The following AFAP1 variants were observed in gnomAD, a reference collection of about 807,000 sequenced individuals.
AFAP1 encodes actin filament-associated protein 1.
A neutral mutation model predicts 93.9 loss-of-function variants in AFAP1; 75 were observed. That is an observed-to-expected ratio of 0.80 (90% confidence interval 0.66 to 0.97). The LOEUF is 0.97. AFAP1 is among the 50% of genes least tolerant of loss of function. AFAP1 has a pLI of 0.00. For synonymous variants in AFAP1, 517 were observed against 430.7 expected (o/e 1.20, Z -2.48); for missense variants, 1,201 against 1,050.8 (o/e 1.14, Z -1.98).
At chr4:7,831,920 A>T (rs573009858) in intron 6 of AFAP1, among the ~76,000 whole-genome samples, 1 of 152,298 alleles carries the variant, frequency 6.6e-6, no homozygotes, top group African/African-American at 2.4e-5. Flanking sequence ...ATGTGGAATA[A>T]AAGAGGGAAC....
Position 7,786,293 on chromosome 4 carries a change from A to G in AFAP1, c.1431T>C (p.Val477=), listed in dbSNP as rs1465704489. ...CCCCTAGATATGGGTTAGCAGATAT[A>G]ACACGCCTGTTCATGAAACTGAAAG... ...KQTFCFMNRR[V]ISANPYLGGT... The change falls in exon 12 of 18, where the codon GTT becomes GTC. Residue 477 remains valine (V), a synonymous_variant. Transcript: ENST00000420658. 1.9e-6 allele frequency: 3 copies of G among 1,614,108 alleles called. No homozygotes were observed. The highest frequency in any genetic ancestry group is 1.1e-5 in the South Asian group (1 of 91,070).
At chr4:7,938,312 A>G (rs1721513415) in intron 1 of AFAP1, among the ~76,000 whole-genome samples, 2 of 152,138 alleles carry the variant, frequency 1.3e-5, no homozygotes, top group African/African-American at 2.4e-5. Context: ...TTCAGAAAGA[A>G]CTTCAGGTTG....
intron 1 of AFAP1, among the ~76,000 whole-genome samples, chr4:7,889,318 G>A (rs1319289332): frequency 6.6e-6 from 1 of 151,756 alleles, no homozygotes; most frequent in East Asian, 1.9e-4. Context: ...GGAGGCCAAG[G>A]GGGACGGATC....
At chr4:7,825,703 T>TA (rs1401388975) in intron 6 of AFAP1, among the ~76,000 whole-genome samples, 7 of 150,910 alleles carry the variant, frequency 4.6e-5, no homozygotes, top group South Asian at 2.1e-4. Flanking sequence ...CAAATTAAGC[T>TA]AAAAAAAAGT....
Position 7,859,159 on chromosome 4 carries a change from G to A in AFAP1, c.226-3585C>T, listed in dbSNP as rs564906692. On this transcript the variant is annotated intron_variant, in intron 3 of 17. Coordinates refer to ENST00000420658, the MANE Select transcript of AFAP1 (RefSeq NM_001134647.2). ...CCTTGGGTTGGGCGCGGTGGCTCAC[G>A]CCTGTAATCCCAGCACTTTGGGAGA... 4.6e-5 allele frequency among the ~76,000 whole-genome samples: 7 copies of A among 152,296 alleles called. No homozygotes were observed. In the South Asian group the frequency reaches 6.2e-4, roughly 14 times the overall value.
intron 1 of AFAP1, among the ~76,000 whole-genome samples, chr4:7,897,488 T>G (rs1718852774): frequency 6.6e-6 from 1 of 152,006 alleles, no homozygotes; most frequent in African/African-American, 2.4e-5. Flanking sequence ...TCTTGCATTC[T>G]GCTTTTTCTC....
At chr4:7,807,268 A>T (rs979236004) in intron 9 of AFAP1, among the ~76,000 whole-genome samples, 2 of 152,198 alleles carry the variant, frequency 1.3e-5, no homozygotes, top group African/African-American at 2.4e-5. Context: ...TTTTTAATCC[A>T]TAACTCCTGT....
At chr4:7,931,175 A>G (rs1721042837) in intron 1 of AFAP1, among the ~76,000 whole-genome samples, 1 of 152,164 alleles carries the variant, frequency 6.6e-6, no homozygotes, top group Non-Finnish European at 1.5e-5. Context: ...CACACAATCT[A>G]GAAGAATGAG....
At chr4:7,885,787 A>C (rs538514829) in intron 1 of AFAP1, among the ~76,000 whole-genome samples, 2 of 152,328 alleles carry the variant, frequency 1.3e-5, no homozygotes, top group Non-Finnish European at 2.9e-5. Flanking sequence ...CTCAGAACAT[A>C]CAAAAATTCG....
Position 7,843,240 on chromosome 4 carries a change from C to A in AFAP1, c.445G>T (p.Asp149Tyr). 1 of 1,614,160 alleles carries A rather than the reference C, an allele frequency of 6.2e-7. No homozygotes were observed. Among genetic ancestry groups the A allele is most frequent in the African/African-American group, 1.3e-5 (1 of 75,058 alleles). The part of the protein sequence containing the change: ...HQWPSEEASM[D>Y]LVKDAKICAF... ...CAGATTTTGGCGTCCTTGACCAGGT[C>A]CATGGAGGCCTCCTCGGAGGGCCAC... The change falls in exon 5 of 18, where the codon GAC becomes TAC. Residue 149 changes from aspartate to tyrosine, a missense_variant. Asp to Tyr is a radical substitution (Grantham distance 160, BLOSUM62 -3). Coordinates refer to ENST00000420658, the MANE Select transcript of AFAP1 (RefSeq NM_001134647.2).
intron 8 of AFAP1, 47 bp downstream of exon 8, chr4:7,815,971 G>GA (rs1720432166): frequency 8.9e-7 from 1 of 1,121,584 alleles, no homozygotes. Flanking sequence ...TTTTGTTTTT[G>GA]TTTTTTTTTT....
chr4:7,772,649 C>G (rs1442090806), intron 16 of AFAP1, 171 bp downstream of exon 16: 17 of 616,090 alleles, frequency 2.8e-5, no homozygotes, highest in Non-Finnish European at 4.7e-5. Flanking sequence ...GGAACACAGG[C>G]CCGGCCGATG....
chr4:7,805,529 G>C (rs950712616), intron 9 of AFAP1, among the ~76,000 whole-genome samples: 1 of 152,204 alleles, frequency 6.6e-6, no homozygotes, highest in Non-Finnish European at 1.5e-5. Context: ...ACCAGGTACT[G>C]AGCATAAATG....
In AFAP1 at chr4:7,895,012, A is replaced by G. The variant is rs112475125; in HGVS notation, c.-2-22932T>C. ...CAGGTGGCACCAGGCTCTGGGTAACATATGTCAGTGTGCTAATGGAAGCAA... is the reference window on the plus strand; with the variant it reads ...CAGGTGGCACCAGGCTCTGGGTAACGTATGTCAGTGTGCTAATGGAAGCAA... On this transcript the variant is annotated intron_variant, in intron 1 of 17. Coordinates refer to ENST00000420658, the MANE Select transcript of AFAP1 (RefSeq NM_001134647.2). 2.8e-3 allele frequency among the ~76,000 whole-genome samples: 419 copies of G among 152,348 alleles called. 1 individual carries two copies. Among genetic ancestry groups the G allele is most frequent in the African/African-American group, 9.4e-3 (390 of 41,578 alleles).
At chr4:7,855,420 C>T in intron 4 of AFAP1, 46 bp downstream of exon 4, 1 of 1,437,874 alleles carries the variant, frequency 7.0e-7, no homozygotes, top group Non-Finnish European at 9.6e-7. Context: ...TGCAACAGTC[C>T]TGCCAATCAC....
intron 11 of AFAP1, among the ~76,000 whole-genome samples, chr4:7,792,931 C>T (rs1346603487): frequency 2.6e-5 from 4 of 152,142 alleles, no homozygotes; most frequent in South Asian, 4.1e-4. Context: ...ACTATTGGTG[C>T]GAAGCTGCCA....
rs190093217 is a variant in AFAP1, at chr4:7,893,366, G to A, written c.-2-21286C>T. ...GAGGCCGAGGCGGGCGGATCACGAC[G>A]TTAGGAGATCCAGACCATCCTGGCT... On this transcript the variant is annotated intron_variant, in intron 1 of 17. Coordinates refer to ENST00000420658, the MANE Select transcript of AFAP1 (RefSeq NM_001134647.2). 1.8e-4 allele frequency among the ~76,000 whole-genome samples: 28 copies of A among 152,188 alleles called. No individual in the cohort carries two copies. In the South Asian group the frequency reaches 3.1e-3, roughly 17 times the overall value.
chr4:7,865,708 G>A (rs983732983), intron 3 of AFAP1, among the ~76,000 whole-genome samples: 5 of 152,188 alleles, frequency 3.3e-5, no homozygotes, highest in Admixed American at 2.6e-4. Context: ...GACTAGTCAT[G>A]AGAACTCTTC....
Position 7,765,512 on chromosome 4 carries a change from C to T in AFAP1, c.2419-1721G>A, listed in dbSNP as rs182106802. ...CTCTTCCTCACCTCTTCCTTTCCAT[C>T]CATTCATCTCTGGGTCCTCAGCACC... On this transcript the variant is annotated intron_variant, in intron 17 of 17. Coordinates refer to ENST00000420658, the MANE Select transcript of AFAP1 (RefSeq NM_001134647.2). Among the ~76,000 whole-genome samples the T allele has an allele frequency of 2.8e-3, 429 of 152,356 alleles. 2 individuals are homozygous for T. Among genetic ancestry groups the T allele is most frequent in the African/African-American group, 0.01 (418 of 41,582 alleles).
Sources: allele counts gnomAD v4.1 joint callset (sites outside exome capture counted in the v4.1 genomes callset), GRCh38; gene constraint gnomAD v4.1.1; transcripts MANE v1.5; gene names NCBI Gene and HGNC (gene_info 2026-07-23, HGNC 2026-07-21).